SBF2: variants seen among roughly 807,000 people sequenced by gnomAD.
SBF2 encodes the protein myotubularin-related protein 13.
A neutral mutation model predicts 225.2 loss-of-function variants in SBF2; 112 were observed. That is an observed-to-expected ratio of 0.50 (90% confidence interval 0.43 to 0.58). The LOEUF is 0.58. Ranked by LOEUF, SBF2 falls within the 20% of genes least tolerant of loss-of-function variation. SBF2 has a pLI of 0.00. For synonymous variants in SBF2, 763 were observed against 773.3 expected, an observed-to-expected ratio of 0.99 and a Z score of 0.22; for missense variants, 1,996 against 2,206.2, an observed-to-expected ratio of 0.90 and a Z score of 1.91.
chr11:9,993,792 T>C (rs1947544657), intron 10 of SBF2, 129 bp downstream of exon 10: 1 of 930,756 alleles, frequency 1.1e-6, no homozygotes, highest in Non-Finnish European at 1.6e-6. Flanking sequence ...AGTATCCTAA[T>C]TTCTAATTTG....
At chr11:10,292,704 T>TA (rs1964243777) in intron 1 of SBF2, among the ~76,000 whole-genome samples, 1 of 146,384 alleles carries the variant, frequency 6.8e-6, no homozygotes, top group Non-Finnish European at 1.5e-5. Context: ...AAAAATTGTT[T>TA]AAAAGTGGGG....
chr11:10,169,973 T>G (rs759892766), intron 2 of SBF2, among the ~76,000 whole-genome samples: 1 of 152,244 alleles, frequency 6.6e-6, no homozygotes, highest in Non-Finnish European at 1.5e-5. Flanking sequence ...GCCATTCATA[T>G]GTCTTCCTTT....
chr11:10,018,373 GA>G (rs1355196695), intron 6 of SBF2, among the ~76,000 whole-genome samples: 2 of 149,982 alleles, frequency 1.3e-5, no homozygotes, highest in South Asian at 2.1e-4. Flanking sequence ...CAGAGCACAG[GA>G]AAAAAAAAGG....
At chr11:9,997,715 T>C (rs934021254) in intron 9 of SBF2, among the ~76,000 whole-genome samples, 1 of 152,214 alleles carries the variant, frequency 6.6e-6, no homozygotes, top group African/African-American at 2.4e-5. Flanking sequence ...GAGGCGGAGC[T>C]TGCAGTGAGC....
chr11:9,881,006 ACT>A (rs1331849405), intron 17 of SBF2, among the ~76,000 whole-genome samples: 1 of 152,114 alleles, frequency 6.6e-6, no homozygotes, highest in Non-Finnish European at 1.5e-5. Flanking sequence ...CCTACAGAAG[ACT>A]CTGGCAAGTG....
intron 17 of SBF2, among the ~76,000 whole-genome samples, chr11:9,865,687 T>C (rs1458997754): frequency 1.1e-4 from 1 of 9,350 alleles, no homozygotes; most frequent in Non-Finnish European, 1.5e-4. Flanking sequence ...CAAAACTGTC[T>C]CAAAAAAAAA....
chr11:9,939,588 G>T (rs1865126484), intron 16 of SBF2, among the ~76,000 whole-genome samples: 1 of 152,080 alleles, frequency 6.6e-6, no homozygotes, highest in South Asian at 2.1e-4. Context: ...TTCTTTATAT[G>T]TACTTTTACC....
At chr11:10,246,512 A>G (rs965375242) in intron 1 of SBF2, among the ~76,000 whole-genome samples, 1 of 152,038 alleles carries the variant, frequency 6.6e-6, no homozygotes, top group Non-Finnish European at 1.5e-5. Context: ...TTGAACTCCA[A>G]CCTCAGGTGA....
At position 9,962,191 on chromosome 11, in the gene SBF2, G is replaced by A. The variant is rs7117364; in HGVS notation, c.1711-85C>T. 0.12 allele frequency: 144,171 copies of A among 1,174,312 alleles called. 9,818 individuals are homozygous for A. Among genetic ancestry groups the A allele is most frequent in the Non-Finnish European group, 0.14 (106,478 of 786,694 alleles). The allele number at this position is 1,174,312 out of a possible 1,614,324, so 72.7% of individuals were successfully genotyped here. ...AAACAATCATCCTGAAAATTCAAAC[G>A]CATCCTATAATTTATTTAACATAGT... On this transcript the variant is annotated intron_variant, in intron 15 of 39. Coordinates refer to ENST00000256190, the MANE Select transcript of SBF2 (RefSeq NM_030962.4).
chr11:9,979,042 A>G (rs942357491), intron 13 of SBF2, among the ~76,000 whole-genome samples: 3 of 152,216 alleles, frequency 2.0e-5, no homozygotes, highest in Admixed American at 6.5e-5. Context: ...TACTGGAAAC[A>G]TCGTTTTTTC....
At chr11:10,242,455 T>G (rs1262113537) in intron 1 of SBF2, among the ~76,000 whole-genome samples, 1 of 152,030 alleles carries the variant, frequency 6.6e-6, no homozygotes, top group African/African-American at 2.4e-5. Flanking sequence ...CAAAAATAAC[T>G]ATAAAACGGA....
intron 16 of SBF2, among the ~76,000 whole-genome samples, chr11:9,921,545 C>T (rs775638906): frequency 1.3e-5 from 2 of 152,116 alleles, no homozygotes; most frequent in Non-Finnish European, 2.9e-5. Flanking sequence ...CTGATATGGC[C>T]TTGAAACATT....
chr11:10,200,564 T>C (rs1957535444), intron 1 of SBF2, among the ~76,000 whole-genome samples: 1 of 152,230 alleles, frequency 6.6e-6, no homozygotes, highest in Admixed American at 6.5e-5. Context: ...TGCTGTTCTG[T>C]ACCTGTACAA....
At chr11:9,846,808 T>G in intron 23 of SBF2, 148 bp downstream of exon 23, 1 of 864,036 alleles carries the variant, frequency 1.2e-6, no homozygotes, top group Non-Finnish European at 1.9e-6. Flanking sequence ...ATGAGTTTAC[T>G]CAGCTGATGA....
intron 1 of SBF2, among the ~76,000 whole-genome samples, chr11:10,282,273 C>T (rs907819272): frequency 3.3e-5 from 5 of 152,114 alleles, no homozygotes; most frequent in Admixed American, 2.0e-4. Context: ...TTCCAGGCTG[C>T]CACTGCTTTA....
chr11:10,050,925 C>T (rs1181964045), intron 2 of SBF2, among the ~76,000 whole-genome samples: 1 of 151,980 alleles, frequency 6.6e-6, no homozygotes, highest in African/African-American at 2.4e-5. Flanking sequence ...TAAATAAAAC[C>T]ACAGAAAGCA....
Position 9,942,930 on chromosome 11 carries a change from AGAAAGAAAGAAG to A in SBF2, c.1860+19015_1860+19026del, listed in dbSNP as rs1565039101. Among the ~76,000 whole-genome samples, 28 of 138,468 alleles carry A rather than the reference AGAAAGAAAGAAG, an allele frequency of 2.0e-4. 1 individual carries two copies. Among genetic ancestry groups the A allele is most frequent in the Admixed American group, 3.7e-4 (5 of 13,516 alleles). 90.8% of individuals were successfully genotyped at this position (138,468 alleles called of 152,430 possible). A position where few individuals can be genotyped will look rare whatever the true frequency, so the allele number is the denominator to read the frequency against. ...AAGAAAGAAAGAAAGAAAGAAAGAAAGAAAGAAAGAAGGAAGGAACGAAGGAAGGAAAGAAGG... is the reference window on the plus strand; with the variant it reads ...AAGAAAGAAAGAAAGAAAGAAAGAAAGAAGGAACGAAGGAAGGAAAGAAGG... On this transcript the variant is annotated intron_variant, in intron 16 of 39. Coordinates refer to ENST00000256190, the MANE Select transcript of SBF2 (RefSeq NM_030962.4).
intron 2 of SBF2, among the ~76,000 whole-genome samples, chr11:10,104,098 A>C (rs1590963229): frequency 6.6e-6 from 1 of 152,128 alleles, no homozygotes; most frequent in African/African-American, 2.4e-5. Flanking sequence ...GAAAAAAAAA[A>C]AAAAAGAGAG....
At chr11:9,833,521 C>T (rs7948674) in intron 26 of SBF2, among the ~76,000 whole-genome samples, 91,190 of 150,344 alleles carry the variant, frequency 0.61, 28,448 homozygotes, top group Non-Finnish European at 0.66. Context: ...CCCGGGTTCA[C>T]GCCATTCTCC....
Sources: allele counts gnomAD v4.1 joint callset (sites outside exome capture counted in the v4.1 genomes callset), GRCh38; gene constraint gnomAD v4.1.1; transcripts MANE v1.5; gene names NCBI Gene and HGNC (gene_info 2026-07-23, HGNC 2026-07-21).